GBE1: variants seen among roughly 807,000 people sequenced by gnomAD.
The protein encoded by GBE1 is 1,4-alpha-glucan-branching enzyme.
GBE1 carries 70 observed loss-of-function variants against 88.8 expected under a neutral mutation model. That is an observed-to-expected ratio of 0.79 (90% confidence interval 0.65 to 0.96). The LOEUF is 0.96. GBE1 is among the 40% of genes least tolerant of loss of function. The pLI is 0.00. For missense variants in GBE1, 872 were observed against 871.0 expected (o/e 1.00, Z -0.01); for synonymous variants, 284 against 300.1 (o/e 0.95, Z 0.56).
At chr3:81,603,707 G>A (rs1262381133) in intron 7 of GBE1, among the ~76,000 whole-genome samples, 1 of 151,942 alleles carries the variant, frequency 6.6e-6, no homozygotes, top group African/African-American at 2.4e-5. Context: ...TGTTGGCCAG[G>A]CTGGTATTGA....
intron 14 of GBE1, among the ~76,000 whole-genome samples, chr3:81,508,838 A>G (rs189797873): frequency 2.4e-4 from 37 of 152,216 alleles, no homozygotes; most frequent in Non-Finnish European, 5.1e-4. Flanking sequence ...CTGCATTCTA[A>G]TTCCAGTCCT....
chr3:81,577,867 T>C (rs1703669443), intron 12 of GBE1, 58 bp downstream of exon 12: 2 of 1,347,918 alleles, frequency 1.5e-6, no homozygotes, highest in South Asian at 1.4e-5. Flanking sequence ...ACATGATTTA[T>C]GTCATTATAA....
At chr3:81,698,977 CTGTT>C (rs747557538) in intron 2 of GBE1, among the ~76,000 whole-genome samples, 3 of 152,050 alleles carry the variant, frequency 2.0e-5, no homozygotes, top group Non-Finnish European at 4.4e-5. Context: ...CTACAAAACA[CTGTT>C]TGCTGAATGC....
intron 2 of GBE1, among the ~76,000 whole-genome samples, chr3:81,689,560 C>A (rs1705488679): frequency 6.6e-6 from 1 of 152,164 alleles, no homozygotes. Context: ...AAATTTGAAA[C>A]AAAATCATTA....
intron 3 of GBE1, among the ~76,000 whole-genome samples, chr3:81,657,252 G>A (rs994053846): frequency 1.3e-4 from 19 of 151,372 alleles, no homozygotes; most frequent in Non-Finnish European, 2.1e-4. Context: ...CACTGCATAC[G>A]TGATGTAAAT....
At chr3:81,511,778 T>C (rs1216283855) in intron 14 of GBE1, among the ~76,000 whole-genome samples, 1 of 151,464 alleles carries the variant, frequency 6.6e-6, no homozygotes, top group African/African-American at 2.4e-5. Flanking sequence ...AGCTTGTAAA[T>C]GTCTCAAATA....
intron 13 of GBE1, 58 bp from the exon 14 acceptor site, chr3:81,535,383 C>T: frequency 6.7e-7 from 1 of 1,500,300 alleles, no homozygotes; most frequent in African/African-American, 1.4e-5. Flanking sequence ...GCTACAAGTA[C>T]ATTATTTTTT....
intron 7 of GBE1, among the ~76,000 whole-genome samples, chr3:81,597,505 A>ATC (rs969065068): frequency 0.016 from 2,278 of 146,018 alleles, 71 homozygotes; most frequent in African/African-American, 0.055. Flanking sequence ...ATATATATAT[A>ATC]TCTCATTGGT....
At chr3:81,657,144 A>C (rs373946833) in intron 3 of GBE1, among the ~76,000 whole-genome samples, 5,569 of 151,352 alleles carry the variant, frequency 0.037, 155 homozygotes, top group Non-Finnish European at 0.054. Context: ...CAAAAAAAAA[A>C]AAAACAAAAC....
intron 1 of GBE1, among the ~76,000 whole-genome samples, chr3:81,759,963 C>CAA (rs377675066): frequency 2.0e-5 from 3 of 149,362 alleles, no homozygotes; most frequent in African/African-American, 7.3e-5. Flanking sequence ...ACAAGGACAT[C>CAA]AAAAAAAAAA....
chr3:81,502,051 C>G (rs1188550155), intron 14 of GBE1, among the ~76,000 whole-genome samples: 4 of 148,544 alleles, frequency 2.7e-5, no homozygotes, highest in Non-Finnish European at 4.5e-5. Context: ...AATTATTTCT[C>G]TGACACAGAA....
At chr3:81,750,588 CGTATATATATATGT>C (rs1352307200) in intron 1 of GBE1, among the ~76,000 whole-genome samples, 4 of 44,952 alleles carry the variant, frequency 8.9e-5, no homozygotes, top group African/African-American at 2.5e-4. Context: ...TATATATATA[CGTATATATATATGT>C]GTATATATAT....
chr3:81,501,926 T>G (rs1282848843), intron 14 of GBE1, among the ~76,000 whole-genome samples: 1 of 151,586 alleles, frequency 6.6e-6, no homozygotes, highest in Non-Finnish European at 1.5e-5. Context: ...CTCGAACTCT[T>G]GAGCCCAAGC....
At chr3:81,700,719 C>G (rs990784612) in intron 2 of GBE1, among the ~76,000 whole-genome samples, 7 of 151,868 alleles carry the variant, frequency 4.6e-5, no homozygotes, top group Non-Finnish European at 8.8e-5. Flanking sequence ...AAAACTGGCC[C>G]AAAAAAACAG....
In GBE1 at chr3:81,499,035, T is replaced by C. The variant is rs529898783; in HGVS notation, c.2052+75A>G. 31 of 844,198 alleles carry C rather than the reference T, an allele frequency of 3.7e-5. 1 individual carries two copies. The South Asian group carries it at 4.7e-4, about 13-fold the overall frequency. 52.3% of individuals were successfully genotyped at this position (844,198 alleles called of 1,614,324 possible). On this transcript the variant is annotated intron_variant, in intron 15 of 15. Coordinates refer to ENST00000429644, the MANE Select transcript of GBE1 (RefSeq NM_000158.4). Reference sequence around the variant, plus strand: ...CCATGTTGCTTATTTGAAGAGTTGTTTATTTGAACAAAAACATTACTATAA... The same window carrying C: ...CCATGTTGCTTATTTGAAGAGTTGTCTATTTGAACAAAAACATTACTATAA...
intron 12 of GBE1, among the ~76,000 whole-genome samples, chr3:81,564,476 G>C (rs991055505): frequency 1.3e-5 from 2 of 152,102 alleles, no homozygotes; most frequent in East Asian, 3.9e-4. Context: ...GACCAAGACT[G>C]AAAGAATTAG....
intron 7 of GBE1, among the ~76,000 whole-genome samples, chr3:81,640,007 CA>C (rs1704647554): frequency 1.3e-5 from 2 of 152,272 alleles, no homozygotes; most frequent in South Asian, 4.2e-4. Context: ...GCTTACTAAG[CA>C]GCAATAAATA....
intron 1 of GBE1, among the ~76,000 whole-genome samples, chr3:81,740,253 A>G (rs777059638): frequency 3.2e-4 from 47 of 148,616 alleles, no homozygotes; most frequent in Admixed American, 2.4e-3. Context: ...ATTAACCAAT[A>G]CATATTACAG....
At chr3:81,567,939 T>C (rs1250959204) in intron 12 of GBE1, among the ~76,000 whole-genome samples, 2 of 152,264 alleles carry the variant, frequency 1.3e-5, no homozygotes, top group East Asian at 3.9e-4. Context: ...ATAATGACCT[T>C]TATGATCTAA....
Sources: allele counts gnomAD v4.1 joint callset (sites outside exome capture counted in the v4.1 genomes callset), GRCh38; gene constraint gnomAD v4.1.1; transcripts MANE v1.5; gene names NCBI Gene and HGNC (gene_info 2026-07-23, HGNC 2026-07-21).